The following OR1J2 variants were observed in gnomAD, a reference collection of about 807,000 sequenced individuals.
OR1J2 encodes olfactory receptor family 1 subfamily J member 2, also known as olfactory receptor 1J2.
For missense variants in OR1J2, 304 were observed against 246.1 expected, an observed-to-expected ratio of 1.24 and a Z score of -1.57; for synonymous variants, 142 against 99.7, an observed-to-expected ratio of 1.42 and a Z score of -2.52.
At chr9:122,451,280 G>A in the OR1J2 span, among the ~76,000 whole-genome samples, 1 of 151,642 alleles carries the variant, frequency 6.6e-6, no homozygotes, top group Non-Finnish European at 1.5e-5. Context: ...ACACCACCCG[G>A]GTTCAAGTGA....
the OR1J2 span, among the ~76,000 whole-genome samples, chr9:122,579,087 A>G: frequency 3.9e-5 from 6 of 152,182 alleles, no homozygotes; most frequent in Non-Finnish European, 1.5e-5. Flanking sequence ...AATACTGCCA[A>G]GAATATATGT....
the OR1J2 span, among the ~76,000 whole-genome samples, chr9:122,451,414 ACCTCAGGTGAT>A: frequency 6.6e-6 from 1 of 151,820 alleles, no homozygotes; most frequent in Admixed American, 6.6e-5. Context: ...CCAATTCCCA[ACCTCAGGTGAT>A]CCTCCAGCCT....
At chr9:122,573,260 G>A in the OR1J2 span, among the ~76,000 whole-genome samples, 1 of 152,234 alleles carries the variant, frequency 6.6e-6, no homozygotes, top group African/African-American at 2.4e-5. Flanking sequence ...CTGACTCCAA[G>A]GAGACAGGGA....
At chr9:122,492,803 G>T in the OR1J2 span, among the ~76,000 whole-genome samples, 75 of 152,250 alleles carry the variant, frequency 4.9e-4, no homozygotes, top group Admixed American at 4.8e-3. Flanking sequence ...CAGGGGGAAT[G>T]CTTTCAACTT....
chr9:122,554,396 C>G, the OR1J2 span, among the ~76,000 whole-genome samples: 1 of 152,050 alleles, frequency 6.6e-6, no homozygotes, highest in African/African-American at 2.4e-5. Context: ...AACAGCAAAA[C>G]TACTATTCCT....
At chr9:122,465,146 A>G in the OR1J2 span, among the ~76,000 whole-genome samples, 1 of 152,196 alleles carries the variant, frequency 6.6e-6, no homozygotes, top group African/African-American at 2.4e-5. Context: ...TTGTCAGGAT[A>G]AACTAGTGCA....
At chr9:122,572,602 G>T in the OR1J2 span, among the ~76,000 whole-genome samples, 1 of 151,878 alleles carries the variant, frequency 6.6e-6, no homozygotes, top group Non-Finnish European at 1.5e-5. Context: ...TACTAATAGG[G>T]TTTTGCTGCT....
chr9:122,487,726 C>T, the OR1J2 span, among the ~76,000 whole-genome samples: 1 of 152,146 alleles, frequency 6.6e-6, no homozygotes, highest in Non-Finnish European at 1.5e-5. Context: ...GGATGGGAAC[C>T]CAGGGGACTG....
chr9:122,473,295 T>C, the OR1J2 span, among the ~76,000 whole-genome samples: 1 of 152,220 alleles, frequency 6.6e-6, no homozygotes, highest in Non-Finnish European at 1.5e-5. Flanking sequence ...GGTTAAGCTT[T>C]CTCATTCACC....
the OR1J2 span, among the ~76,000 whole-genome samples, chr9:122,498,923 T>C: frequency 6.6e-6 from 1 of 152,242 alleles, no homozygotes; most frequent in African/African-American, 2.4e-5. Flanking sequence ...TAGCTCCATG[T>C]GCTTCTTTTG....
chr9:122,568,378 T>C, the OR1J2 span: 1 of 1,613,876 alleles, frequency 6.2e-7, no homozygotes, highest in South Asian at 1.1e-5. Context: ...AGGTACACGA[T>C]GAGGAAGAGA....
the OR1J2 span, among the ~76,000 whole-genome samples, chr9:122,538,539 T>C: frequency 1.3e-4 from 20 of 152,292 alleles, no homozygotes; most frequent in Non-Finnish European, 2.4e-4. Context: ...TGGAGTAATG[T>C]TTAGGTTTTC....
chr9:122,553,439 C>G, the OR1J2 span: 1 of 1,614,180 alleles, frequency 6.2e-7, no homozygotes, highest in South Asian at 1.1e-5. Context: ...ATGCCTGTTT[C>G]ACTTCTGCCT....
At chr9:122,533,894 T>C in the OR1J2 span, among the ~76,000 whole-genome samples, 2 of 152,106 alleles carry the variant, frequency 1.3e-5, no homozygotes, top group Non-Finnish European at 2.9e-5. Flanking sequence ...GCAGCGTCAG[T>C]GTTCAGCCGC....
chr9:122,564,922 C>T, the OR1J2 span, among the ~76,000 whole-genome samples: 1 of 152,184 alleles, frequency 6.6e-6, no homozygotes, highest in African/African-American at 2.4e-5. Flanking sequence ...AGATGCCACA[C>T]TGGTCCATTA....
chr9:122,482,846 C>G, the OR1J2 span, among the ~76,000 whole-genome samples: 1 of 152,124 alleles, frequency 6.6e-6, no homozygotes, highest in African/African-American at 2.4e-5. Flanking sequence ...TAGTGGTTAC[C>G]AGAGCCTGGG....
downstream of OR1J2, among the ~76,000 whole-genome samples, chr9:122,516,647 T>G (rs1040796184): frequency 9.9e-5 from 15 of 152,114 alleles, no homozygotes; most frequent in African/African-American, 3.1e-4. Flanking sequence ...GAAATAGGCA[T>G]GGCTGAATTG....
chr9:122,571,702 G>A, the OR1J2 span, among the ~76,000 whole-genome samples: 30,459 of 148,772 alleles, frequency 0.2, 3,541 homozygotes, highest in Non-Finnish European at 0.26. Context: ...GCGACAGAGC[G>A]AGACTCAGTC....
chr9:122,554,769 C>A, the OR1J2 span, among the ~76,000 whole-genome samples: 1 of 151,622 alleles, frequency 6.6e-6, no homozygotes, highest in African/African-American at 2.4e-5. Context: ...TTATGGTATT[C>A]CTTACTATTT....
Sources: allele counts gnomAD v4.1 joint callset (sites outside exome capture counted in the v4.1 genomes callset), GRCh38; gene constraint gnomAD v4.1.1; transcripts MANE v1.5; gene names NCBI Gene and HGNC (gene_info 2026-07-23, HGNC 2026-07-21).